Variants in KLRG1 observed in about 807,000 individuals in gnomAD.
The protein encoded by KLRG1 is killer cell lectin-like receptor subfamily G member 1.
Under a neutral mutation model 21.8 loss-of-function variants are expected in KLRG1, and 16 were observed. That is an observed-to-expected ratio of 0.73 (90% CI 0.50 to 1.11). The LOEUF (loss-of-function observed/expected upper bound fraction) is 1.11. KLRG1 is among the 50% of genes most tolerant of loss of function. The pLI is 0.00. For synonymous variants in KLRG1, 69 were observed against 75.9 expected, an observed-to-expected ratio of 0.91 and a Z score of 0.47; for missense variants, 173 against 218.3, an observed-to-expected ratio of 0.79 and a Z score of 1.31.
At chr12:9,124,758 G>T in the KLRG1 span, among the ~76,000 whole-genome samples, 1 of 152,316 alleles carries the variant, frequency 6.6e-6, no homozygotes, top group East Asian at 1.9e-4. Context: ...CAATCTTGGG[G>T]CTGAGCCCAG....
chr12:9,096,720 A>G, the KLRG1 span, among the ~76,000 whole-genome samples: 1 of 152,318 alleles, frequency 6.6e-6, no homozygotes, highest in Non-Finnish European at 1.5e-5. Context: ...GGTGTGATGA[A>G]ATTAGACACT....
At chr12:9,006,423 A>G (rs764068943) in intron 3 of KLRG1, among the ~76,000 whole-genome samples, 2 of 152,326 alleles carry the variant, frequency 1.3e-5, no homozygotes, top group Admixed American at 1.3e-4. Context: ...ACCTTAAAGC[A>G]AGAATGACCT....
At chr12:9,091,536 A>G in the KLRG1 span, 1 of 1,122,648 alleles carries the variant, frequency 8.9e-7, no homozygotes, top group Non-Finnish European at 1.3e-6. Context: ...AAAACACTCA[A>G]TAGAAATACC....
chr12:9,100,715 C>A, the KLRG1 span, among the ~76,000 whole-genome samples: 2 of 152,236 alleles, frequency 1.3e-5, no homozygotes, highest in Admixed American at 6.5e-5. Flanking sequence ...TGGAAATGGT[C>A]TCTCGTTACT....
At chr12:9,151,680 G>A in the KLRG1 span, 2 of 1,612,144 alleles carry the variant, frequency 1.2e-6, no homozygotes, top group African/African-American at 1.3e-5. Flanking sequence ...AAGCTGGAGA[G>A]AATTAGAAAA....
chr12:9,181,152 C>T, the KLRG1 span: 6 of 1,613,766 alleles, frequency 3.7e-6, no homozygotes, highest in South Asian at 3.3e-5. Flanking sequence ...ATGAAGGAAA[C>T]GTCAACCAGT....
the KLRG1 span, chr12:9,201,277 A>C: frequency 4.8e-6 from 7 of 1,459,918 alleles, no homozygotes; most frequent in East Asian, 1.6e-4. Flanking sequence ...AGAACCTCCT[A>C]CTCTCTAAAA....
chr12:8,989,980 G>A (rs970051645), intron 1 of KLRG1, among the ~76,000 whole-genome samples: 5 of 152,198 alleles, frequency 3.3e-5, no homozygotes, highest in Non-Finnish European at 5.9e-5. Flanking sequence ...GGGCATTGCC[G>A]TTATTCCTTC....
At chr12:9,163,080 G>T in the KLRG1 span, among the ~76,000 whole-genome samples, 1 of 151,972 alleles carries the variant, frequency 6.6e-6, no homozygotes, top group Non-Finnish European at 1.5e-5. Context: ...AAGAACCAGG[G>T]AGGGTGGTAG....
chr12:9,206,527 T>G, the KLRG1 span, among the ~76,000 whole-genome samples: 2 of 152,256 alleles, frequency 1.3e-5, no homozygotes, highest in Non-Finnish European at 2.9e-5. Flanking sequence ...TAGCAGGGAC[T>G]AAATGTAGCA....
intron 1 of KLRG1, among the ~76,000 whole-genome samples, chr12:8,976,436 T>C (rs1034095389): frequency 6.6e-6 from 1 of 152,238 alleles, no homozygotes; most frequent in Non-Finnish European, 1.5e-5. Context: ...TATTTTTCTG[T>C]TGTTGGGTGA....
At chr12:9,066,663 C>T in the KLRG1 span, 1 of 152,246 alleles carries the variant, frequency 6.6e-6, no homozygotes, top group Non-Finnish European at 1.5e-5. Flanking sequence ...CCCTAAAGAT[C>T]CCATAATGCT....
At chr12:9,166,578 G>C in the KLRG1 span, among the ~76,000 whole-genome samples, 2 of 152,062 alleles carry the variant, frequency 1.3e-5, no homozygotes, top group Non-Finnish European at 2.9e-5. Context: ...CATTGAGAGT[G>C]GTTGCTATAC....
At chr12:9,055,179 C>T in the KLRG1 span, among the ~76,000 whole-genome samples, 1 of 152,114 alleles carries the variant, frequency 6.6e-6, no homozygotes, top group Admixed American at 6.5e-5. Context: ...TATTATGACT[C>T]CCACCTAAAC....
chr12:9,006,267 T>A (rs1308733750), intron 3 of KLRG1, among the ~76,000 whole-genome samples: 1 of 152,236 alleles, frequency 6.6e-6, no homozygotes, highest in East Asian at 1.9e-4. Flanking sequence ...TATGATATAA[T>A]AGTAAATGTG....
At chr12:8,974,415 C>G (rs1384343794) in intron 1 of KLRG1, among the ~76,000 whole-genome samples, 1 of 152,150 alleles carries the variant, frequency 6.6e-6, no homozygotes, top group Non-Finnish European at 1.5e-5. Flanking sequence ...GATCCACCCA[C>G]CTCGGCCTCC....
chr12:9,154,589 G>A, the KLRG1 span: 1 of 1,601,978 alleles, frequency 6.2e-7, no homozygotes, highest in South Asian at 1.1e-5. Context: ...TGAACCTGGA[G>A]CAGAAGACTC....
chr12:9,193,945 C>T, the KLRG1 span: 1 of 893,656 alleles, frequency 1.1e-6, no homozygotes. Context: ...TTCTATTATC[C>T]TCAAATTTGT....
At chr12:9,140,630 A>G in the KLRG1 span, among the ~76,000 whole-genome samples, 2 of 152,214 alleles carry the variant, frequency 1.3e-5, no homozygotes, top group Non-Finnish European at 2.9e-5. Flanking sequence ...CCATAGAAGG[A>G]ATCTGAGATA....
Sources: allele counts gnomAD v4.1 joint callset (sites outside exome capture counted in the v4.1 genomes callset), GRCh38; gene constraint gnomAD v4.1.1; transcripts MANE v1.5; gene names NCBI Gene and HGNC (gene_info 2026-07-23, HGNC 2026-07-21).